STK39: variants seen among roughly 807,000 people sequenced by gnomAD.
STK39 encodes STE20/SPS1-related proline-alanine-rich protein kinase.
A neutral mutation model predicts 77.8 loss-of-function variants in STK39; 20 were observed. The observed-to-expected ratio is 0.26, with a 90% confidence interval of 0.18 to 0.37. The LOEUF is 0.37. STK39 is among the 10% of genes least tolerant of loss of function. STK39 has a pLI of 1.00. For missense variants in STK39, 479 were observed against 656.5 expected (o/e 0.73, Z 2.95); for synonymous variants, 246 against 234.1 (o/e 1.05, Z -0.47).
At chr2:168,148,963 C>A (rs902598566) in intron 5 of STK39, among the ~76,000 whole-genome samples, 2 of 152,164 alleles carry the variant, frequency 1.3e-5, no homozygotes, top group Admixed American at 6.5e-5. Flanking sequence ...CAAGCTTTAC[C>A]ATGAGGAGCT....
intron 17 of STK39, among the ~76,000 whole-genome samples, chr2:167,959,441 T>G (rs4432418): frequency 0.76 from 115,414 of 151,310 alleles, 44,131 homozygotes; most frequent in African/African-American, 0.82. Flanking sequence ...TTTTTGTTTT[T>G]TTTTTTTTTA....
intron 1 of STK39, among the ~76,000 whole-genome samples, chr2:168,191,174 ATAAATAAGAAAAAGGAAT>A (rs1689330727): frequency 2.0e-5 from 3 of 152,210 alleles, no homozygotes; most frequent in Non-Finnish European, 2.9e-5. Flanking sequence ...TTGGCTTTGC[ATAAATAAGAAAAAGGAAT>A]CCCTCTGACT....
chr2:168,186,947 A>G (rs371330388), intron 1 of STK39, among the ~76,000 whole-genome samples: 3 of 152,232 alleles, frequency 2.0e-5, no homozygotes, highest in East Asian at 3.8e-4. Flanking sequence ...ATACAGCATG[A>G]TGAGCATAAG....
chr2:168,102,929 CAAAAAA>C (rs35442749), intron 10 of STK39, among the ~76,000 whole-genome samples: 12 of 50,084 alleles, frequency 2.4e-4, no homozygotes, highest in African/African-American at 7.8e-4. Flanking sequence ...GAATCCGTCT[CAAAAAA>C]AAAAAAAAAA....
intron 14 of STK39, among the ~76,000 whole-genome samples, chr2:168,037,130 G>A (rs1393233738): frequency 6.6e-6 from 1 of 152,070 alleles, no homozygotes; most frequent in South Asian, 2.1e-4. Context: ...TATTTTATTG[G>A]GCGTGGAAAC....
chr2:168,215,474 C>A (rs1359412835), intron 1 of STK39, among the ~76,000 whole-genome samples: 1 of 152,206 alleles, frequency 6.6e-6, no homozygotes, highest in African/African-American at 2.4e-5. Flanking sequence ...TAAATAAGTT[C>A]ATGAAGCTCT....
chr2:167,960,968 G>C (rs569578282), intron 17 of STK39, among the ~76,000 whole-genome samples: 2 of 152,296 alleles, frequency 1.3e-5, no homozygotes, highest in East Asian at 3.9e-4. Flanking sequence ...TGGGGTCTCA[G>C]AATTTACATT....
chr2:168,119,716 A>G (rs2105486345), intron 10 of STK39, among the ~76,000 whole-genome samples: 1 of 152,350 alleles, frequency 6.6e-6, no homozygotes, highest in East Asian at 1.9e-4. Flanking sequence ...TCTACTGGGA[A>G]AACTTGGAAC....
intron 2 of STK39, among the ~76,000 whole-genome samples, chr2:168,173,742 T>G (rs990555279): frequency 5.3e-5 from 8 of 152,080 alleles, no homozygotes; most frequent in African/African-American, 1.9e-4. Flanking sequence ...AGAGATAGGG[T>G]TTCACCATTT....
chr2:168,023,706 C>T (rs1447486846), intron 14 of STK39, among the ~76,000 whole-genome samples: 1 of 152,188 alleles, frequency 6.6e-6, no homozygotes, highest in Middle Eastern at 3.2e-3. Flanking sequence ...CCAAAGACCA[C>T]TCATTGTCAA....
At chr2:168,234,987 T>C in intron 1 of STK39, among the ~76,000 whole-genome samples, 1 of 144,958 alleles carries the variant, frequency 6.9e-6, no homozygotes, top group South Asian at 2.2e-4. Flanking sequence ...ATTCCATCTC[T>C]AACAAAAAAA....
intron 10 of STK39, among the ~76,000 whole-genome samples, chr2:168,103,901 C>A (rs1686902375): frequency 6.6e-6 from 1 of 152,156 alleles, no homozygotes; most frequent in Non-Finnish European, 1.5e-5. Flanking sequence ...GGCACTAATG[C>A]CAAAAGTTGT....
chr2:168,030,427 A>G (rs1684808018), intron 14 of STK39, among the ~76,000 whole-genome samples: 2 of 152,224 alleles, frequency 1.3e-5, no homozygotes, highest in Admixed American at 6.5e-5. Flanking sequence ...GAAATCACAG[A>G]AATAGAAACA....
intron 15 of STK39, among the ~76,000 whole-genome samples, chr2:168,016,387 C>CAAAAAAAAAAAAAAAAAAAAAAAAAAAA (rs869084308): frequency 1.5e-5 from 1 of 65,648 alleles, no homozygotes; most frequent in African/African-American, 5.6e-5. Context: ...GGCCTTTGTT[C>CAAAAAAAAAAAAAAAAAAAAAAAAAAAA]AAAAAAAAAA....
intron 10 of STK39, among the ~76,000 whole-genome samples, chr2:168,098,080 G>A (rs972909780): frequency 8.5e-5 from 13 of 152,146 alleles, no homozygotes; most frequent in Admixed American, 2.0e-4. Flanking sequence ...ACAATACTAA[G>A]TAATCACTAG....
chr2:168,081,917 T>C lies in STK39; in HGVS notation c.1090-6686A>G, dbSNP rs147561448. On this transcript the variant is annotated intron_variant, in intron 10 of 17. Transcript: ENST00000355999. ...ACTTGTTCCTCCTTGCTTTCTGCCA[T>C]GATTGTGAGGCCTCCCTAGCCACAT... Among the ~76,000 whole-genome samples, 925 of 152,332 alleles carry C rather than the reference T, an allele frequency of 6.1e-3. 7 individuals are homozygous for C. Among genetic ancestry groups the C allele is most frequent in the Middle Eastern group, 0.031 (9 of 294 alleles).
chr2:168,168,937 C>T (rs911540543), intron 2 of STK39, among the ~76,000 whole-genome samples: 3 of 151,998 alleles, frequency 2.0e-5, no homozygotes, highest in African/African-American at 7.3e-5. Context: ...GAGCTGAGAT[C>T]GTGCCACTGG....
Position 168,053,495 on chromosome 2 carries a change from T to C in STK39, c.1376+10005A>G, listed in dbSNP as rs140558442. ...GTGAGATTATGGATGATGTTATTTC[T>C]TTAATTTATGTTGACTTTCTGAATT... On this transcript the variant is annotated intron_variant, in intron 14 of 17. Transcript: ENST00000355999. Among the ~76,000 whole-genome samples, 147 of 152,344 alleles carry C rather than the reference T, an allele frequency of 9.6e-4. 1 individual carries two copies. Among genetic ancestry groups the C allele is most frequent in the African/African-American group, 3.4e-3 (141 of 41,594 alleles).
chr2:168,098,047 G>A (rs888273523), intron 10 of STK39, among the ~76,000 whole-genome samples: 1 of 152,102 alleles, frequency 6.6e-6, no homozygotes, highest in Non-Finnish European at 1.5e-5. Context: ...AATCATATGG[G>A]GTAAGTGAAA....
Sources: allele counts gnomAD v4.1 joint callset (sites outside exome capture counted in the v4.1 genomes callset), GRCh38; gene constraint gnomAD v4.1.1; transcripts MANE v1.5; gene names NCBI Gene and HGNC (gene_info 2026-07-23, HGNC 2026-07-21).